The following UNC5D variants were observed in gnomAD, a reference collection of about 807,000 sequenced individuals.
UNC5D encodes netrin receptor UNC5D.
A neutral mutation model predicts 105.4 loss-of-function variants in UNC5D; 39 were observed. That is an observed-to-expected ratio of 0.37 (90% CI 0.29 to 0.48). The LOEUF is 0.48. UNC5D is among the 20% of genes least tolerant of loss of function. The probability of loss-of-function intolerance (pLI) is 0.98; values close to 1 mark genes in which losing one functional copy is unlikely to be tolerated. For missense variants in UNC5D, 991 were observed against 1,202.4 expected (o/e 0.82, Z 2.60); for synonymous variants, 452 against 450.4 (o/e 1.00, Z -0.04).
At chr8:35,654,585 C>G (rs1348348900) in intron 4 of UNC5D, among the ~76,000 whole-genome samples, 2 of 152,270 alleles carry the variant, frequency 1.3e-5, no homozygotes, top group African/African-American at 2.4e-5. Context: ...AAATTGTTTA[C>G]TTTATCACCA....
intron 1 of UNC5D, among the ~76,000 whole-genome samples, chr8:35,378,417 A>C (rs1802830208): frequency 6.6e-6 from 1 of 152,164 alleles, no homozygotes; most frequent in Non-Finnish European, 1.5e-5. Flanking sequence ...CTTCCGTGAC[A>C]TCTATCAGGA....
At chr8:35,688,171 CA>C (rs1826154252) in intron 7 of UNC5D, among the ~76,000 whole-genome samples, 1 of 148,322 alleles carries the variant, frequency 6.7e-6, no homozygotes, top group African/African-American at 2.6e-5. Context: ...CAAAAAAAAA[CA>C]CACACAAGAC....
At chr8:35,249,604 A>T (rs917101354) in intron 1 of UNC5D, among the ~76,000 whole-genome samples, 1 of 140,866 alleles carries the variant, frequency 7.1e-6, no homozygotes, top group Non-Finnish European at 1.6e-5. Flanking sequence ...ATAATAATAA[A>T]ATAAATAAAT....
chr8:35,323,952 G>T (rs531920664), intron 1 of UNC5D, among the ~76,000 whole-genome samples: 31 of 152,138 alleles, frequency 2.0e-4, no homozygotes, highest in Non-Finnish European at 3.8e-4. Context: ...ATGTTTGACT[G>T]GGTATGTTGG....
At chr8:35,666,815 G>A (rs940160306) in intron 4 of UNC5D, among the ~76,000 whole-genome samples, 1 of 152,134 alleles carries the variant, frequency 6.6e-6, no homozygotes, top group Admixed American at 6.5e-5. Context: ...AAGTACCTAT[G>A]ACATGTAAAG....
intron 1 of UNC5D, among the ~76,000 whole-genome samples, chr8:35,467,225 T>C (rs1242243489): frequency 6.6e-6 from 1 of 152,166 alleles, no homozygotes; most frequent in Non-Finnish European, 1.5e-5. Context: ...CCAGTTGTCT[T>C]TGAGCACTGG....
At chr8:35,325,271 A>C (rs1333200658) in intron 1 of UNC5D, among the ~76,000 whole-genome samples, 1 of 152,336 alleles carries the variant, frequency 6.6e-6, no homozygotes, top group South Asian at 2.1e-4. Context: ...GGGATGAATA[A>C]AACATGCTAG....
intron 16 of UNC5D, among the ~76,000 whole-genome samples, chr8:35,780,040 A>C (rs371857340): frequency 3.9e-5 from 6 of 152,196 alleles, no homozygotes; most frequent in African/African-American, 1.4e-4. Context: ...TCCATGAGAT[A>C]TGGGCAGATG....
chr8:35,334,179 A>T (rs1810844313), intron 1 of UNC5D, among the ~76,000 whole-genome samples: 2 of 152,226 alleles, frequency 1.3e-5, no homozygotes. Context: ...ACCCACCTAG[A>T]CAAGGAAAAA....
intron 14 of UNC5D, among the ~76,000 whole-genome samples, chr8:35,761,860 G>A (rs1423924035): frequency 6.6e-6 from 1 of 152,156 alleles, no homozygotes; most frequent in Non-Finnish European, 1.5e-5. Context: ...GGGAGGGTTT[G>A]TGTTCAGCCT....
At chr8:35,500,440 A>G (rs571429751) in intron 1 of UNC5D, among the ~76,000 whole-genome samples, 55 of 152,316 alleles carry the variant, frequency 3.6e-4, no homozygotes, top group Non-Finnish European at 1.2e-4. Context: ...TTAACCTGTA[A>G]TGCCTTTTAT....
intron 1 of UNC5D, among the ~76,000 whole-genome samples, chr8:35,312,090 C>T (rs1370877378): frequency 6.6e-6 from 1 of 152,180 alleles, no homozygotes; most frequent in Non-Finnish European, 1.5e-5. Context: ...CCCAAACTAA[C>T]ATTGTTTTTC....
Position 35,793,146 on chromosome 8 carries a change from T to C in UNC5D, c.*2583T>C. Reference sequence around the variant, plus strand: ...CTTTTACTTATTGCTGCTAGGATCCTACATAGGATTTCTATAGAAATGTAT... The same window carrying C: ...CTTTTACTTATTGCTGCTAGGATCCCACATAGGATTTCTATAGAAATGTAT... On this transcript the variant is annotated 3_prime_UTR_variant, in exon 17 of 17. Transcript: ENST00000404895. 2.2e-6 allele frequency: 1 copy of C among 456,148 alleles called. No homozygotes were observed. Among genetic ancestry groups the C allele is most frequent in the South Asian group, 1.6e-5 (1 of 64,474 alleles). 28.3% of individuals were successfully genotyped at this position (456,148 alleles called of 1,614,324 possible). A position where few individuals can be genotyped will look rare whatever the true frequency, so the allele number is the denominator to read the frequency against.
intron 1 of UNC5D, among the ~76,000 whole-genome samples, chr8:35,239,022 C>A (rs755257715): frequency 6.6e-6 from 1 of 152,144 alleles, no homozygotes; most frequent in African/African-American, 2.4e-5. Context: ...CTATTTCCTG[C>A]CAGACTTATT....
At chr8:35,406,286 G>T (rs993631227) in intron 1 of UNC5D, among the ~76,000 whole-genome samples, 1 of 152,074 alleles carries the variant, frequency 6.6e-6, no homozygotes, top group South Asian at 2.1e-4. Flanking sequence ...TTCACTATTT[G>T]CATCCTGAGG....
chr8:35,522,606 T>C (rs1199501169), intron 1 of UNC5D, among the ~76,000 whole-genome samples: 6 of 152,226 alleles, frequency 3.9e-5, no homozygotes, highest in African/African-American at 1.4e-4. Context: ...CCATGCTTTA[T>C]GGTAGAAAGA....
intron 1 of UNC5D, among the ~76,000 whole-genome samples, chr8:35,264,605 C>T (rs1315783209): frequency 6.6e-6 from 1 of 151,984 alleles, no homozygotes; most frequent in Non-Finnish European, 1.5e-5. Context: ...TGGCAGGTGC[C>T]TGTAATCCCA....
intron 1 of UNC5D, among the ~76,000 whole-genome samples, chr8:35,290,198 A>T (rs1324421179): frequency 6.6e-6 from 1 of 152,146 alleles, no homozygotes; most frequent in Non-Finnish European, 1.5e-5. Flanking sequence ...TGTCGAAGGG[A>T]TGTTCATTGC....
intron 1 of UNC5D, among the ~76,000 whole-genome samples, chr8:35,320,558 G>T (rs966258498): frequency 1.3e-5 from 2 of 152,114 alleles, no homozygotes; most frequent in African/African-American, 4.8e-5. Context: ...ATATGTCAAA[G>T]AAATATATTT....
Sources: gnomAD v4.1 joint callset for allele counts (sites outside exome capture counted in the v4.1 genomes callset) on GRCh38, gnomAD v4.1.1 for gene constraint, MANE v1.5 for transcripts, NCBI Gene and HGNC (gene_info 2026-07-23, HGNC 2026-07-21) for gene names.